Variants in NLGN4X observed in about 807,000 individuals in gnomAD.
NLGN4X encodes neuroligin 4 X-linked, also known as neuroligin-4, X-linked.
Under a neutral mutation model 40.3 loss-of-function variants are expected in NLGN4X, and 3 were observed. The ratio of observed to expected loss-of-function variants is 0.07; its 90% CI spans 0.03 to 0.19. NLGN4X has a LOEUF of 0.19. Ranked by LOEUF, NLGN4X falls within the 10% of genes least tolerant of loss-of-function variation. The probability of loss-of-function intolerance (pLI) is 1.00; values close to 1 mark genes in which losing one functional copy is unlikely to be tolerated. For synonymous variants in NLGN4X, 270 were observed against 306.8 expected (o/e 0.88, Z 1.25); for missense variants, 382 against 708.3 (o/e 0.54, Z 5.23).
intron 3 of NLGN4X, among the ~76,000 whole-genome samples, chrX:5,916,037 C>T (rs1045845046): frequency 2.5e-4 from 28 of 111,560 alleles, no homozygotes; most frequent in Non-Finnish European, 3.9e-4. Flanking sequence ...TTGGGTGCTA[C>T]GTCCTTTTAG....
intron 3 of NLGN4X, among the ~76,000 whole-genome samples, chrX:6,014,625 G>A (rs888687695): frequency 6.3e-5 from 7 of 111,638 alleles, no homozygotes; most frequent in African/African-American, 2.3e-4. Flanking sequence ...CCAGAAAATC[G>A]AACCCTGAGA....
intron 3 of NLGN4X, among the ~76,000 whole-genome samples, chrX:5,984,202 G>T (rs1472587632): frequency 9.0e-6 from 1 of 110,797 alleles, no homozygotes; most frequent in Non-Finnish European, 1.9e-5. Flanking sequence ...GAAACTATAA[G>T]AAGAAACTAA....
intron 1 of NLGN4X, among the ~76,000 whole-genome samples, chrX:6,161,859 G>C (rs762780392): frequency 9.0e-6 from 1 of 110,992 alleles, no homozygotes; most frequent in Non-Finnish European, 1.9e-5. Flanking sequence ...GATTTATATA[G>C]ATACAATACA....
At chrX:6,012,515 A>C (rs2036281182) in intron 3 of NLGN4X, among the ~76,000 whole-genome samples, 1 of 111,880 alleles carries the variant, frequency 8.9e-6, no homozygotes, top group Non-Finnish European at 1.9e-5. Context: ...ATATTCATAC[A>C]TATATATTGC....
At chrX:6,186,558 A>T (rs1279055706) in intron 1 of NLGN4X, among the ~76,000 whole-genome samples, 2 of 112,356 alleles carry the variant, frequency 1.8e-5, no homozygotes, top group Admixed American at 9.5e-5. Flanking sequence ...ACTAGGGAGG[A>T]AAAACAGGCA....
intron 1 of NLGN4X, among the ~76,000 whole-genome samples, chrX:6,179,099 A>AAAGGAAGGAAGGAAGGAAGAAAGG (rs1921128002): frequency 1.3e-5 from 1 of 78,205 alleles, no homozygotes. Context: ...ACCCTGAAAA[A>AAAGGAAGGAAGGAAGGAAGAAAGG]AAGGAAGGAA....
intron 2 of NLGN4X, among the ~76,000 whole-genome samples, chrX:6,033,127 G>C (rs2036915249): frequency 9.0e-6 from 1 of 111,638 alleles, no homozygotes; most frequent in Admixed American, 9.5e-5. Context: ...TTAAAGAAAT[G>C]CTTATGGCGT....
chrX:5,926,331 G>C (rs1335115583), intron 3 of NLGN4X, among the ~76,000 whole-genome samples: 1 of 110,375 alleles, frequency 9.1e-6, no homozygotes, highest in Non-Finnish European at 1.9e-5. Context: ...CAGTTCTTTA[G>C]ATCAGTGTGA....
intron 3 of NLGN4X, 33 bp from the exon 4 acceptor site, chrX:5,909,272 A>C: frequency 8.3e-7 from 1 of 1,197,874 alleles, no homozygotes; most frequent in Non-Finnish European, 1.1e-6. Context: ...TTTGGTGGCC[A>C]AATAGAAAAA....
chrX:5,996,186 T>C (rs1170690902), intron 3 of NLGN4X, among the ~76,000 whole-genome samples: 1 of 112,024 alleles, frequency 8.9e-6, no homozygotes, highest in Non-Finnish European at 1.9e-5. Context: ...GCGCCTCCCC[T>C]GATGAAAAGA....
chrX:6,091,275 T>C (rs961712945), intron 2 of NLGN4X, among the ~76,000 whole-genome samples: 51 of 111,639 alleles, frequency 4.6e-4, no homozygotes, highest in African/African-American at 1.6e-3. Flanking sequence ...CCTTGCGAGG[T>C]CAATGACTTG....
chrX:6,205,124 A>G (rs1319341007), intron 1 of NLGN4X, among the ~76,000 whole-genome samples: 1 of 111,788 alleles, frequency 8.9e-6, no homozygotes, highest in African/African-American at 3.3e-5. Flanking sequence ...CCTCCTCCCA[A>G]CTTGCAGTTT....
intron 1 of NLGN4X, among the ~76,000 whole-genome samples, chrX:6,179,789 C>A (rs1387994017): frequency 8.9e-6 from 1 of 111,960 alleles, no homozygotes; most frequent in Non-Finnish European, 1.9e-5. Context: ...TACAAGGACA[C>A]CACCAAAGCT....
intron 3 of NLGN4X, among the ~76,000 whole-genome samples, chrX:5,958,303 G>A (rs960748175): frequency 1.8e-5 from 2 of 110,956 alleles, no homozygotes; most frequent in East Asian, 2.8e-4. Flanking sequence ...ATTTATCAGA[G>A]TAAGTTTAAA....
chrX:6,063,036 C>T, intron 2 of NLGN4X, among the ~76,000 whole-genome samples: 1 of 111,138 alleles, frequency 9.0e-6, no homozygotes, highest in South Asian at 3.8e-4. Flanking sequence ...TTTCCCTTAG[C>T]TATTTCAATT....
intron 2 of NLGN4X, among the ~76,000 whole-genome samples, chrX:6,047,948 C>A (rs2037370280): frequency 9.0e-6 from 1 of 111,433 alleles, no homozygotes; most frequent in Non-Finnish European, 1.9e-5. Flanking sequence ...AAGCAGCATG[C>A]AAGTGAAGGC....
Position 6,151,748 on chromosome X carries a change from T to C in NLGN4X, c.-282A>G. 2.6e-6 allele frequency: 1 copy of C among 377,617 alleles called. No individual in the cohort carries two copies. Among genetic ancestry groups the C allele is most frequent in the Non-Finnish European group, 4.7e-6 (1 of 214,799 alleles). 31.1% of individuals were successfully genotyped at this position (377,617 alleles called of 1,213,427 possible). ...ATCATCCAACACCTCCAGGGACAATTTCTTATGAAAACTCCAAGGCAGCCT... is the reference window on the plus strand; with the variant it reads ...ATCATCCAACACCTCCAGGGACAATCTCTTATGAAAACTCCAAGGCAGCCT... On this transcript the variant is annotated 5_prime_UTR_variant, in exon 2 of 6. Coordinates refer to ENST00000381095, the MANE Select transcript of NLGN4X (RefSeq NM_181332.3).
At chrX:6,046,147 G>C (rs1417683398) in intron 2 of NLGN4X, among the ~76,000 whole-genome samples, 1 of 111,632 alleles carries the variant, frequency 9.0e-6, no homozygotes, top group East Asian at 2.8e-4. Context: ...AAAATAACAA[G>C]AAACATAAAA....
chrX:6,154,735 A>G (rs2040229124), intron 1 of NLGN4X, among the ~76,000 whole-genome samples: 1 of 112,072 alleles, frequency 8.9e-6, no homozygotes, highest in African/African-American at 3.2e-5. Context: ...TTGGGAGTGA[A>G]GAAGGGCTAT....
Sources: gnomAD v4.1 joint callset for allele counts (sites outside exome capture counted in the v4.1 genomes callset) on GRCh38, gnomAD v4.1.1 for gene constraint, MANE v1.5 for transcripts, NCBI Gene and HGNC (gene_info 2026-07-23, HGNC 2026-07-21) for gene names.